The following ZSWIM5 variants were observed in gnomAD, a reference collection of about 807,000 sequenced individuals.
The protein encoded by ZSWIM5 is zinc finger SWIM-type containing 5, also known as zinc finger SWIM domain-containing protein 5.
ZSWIM5 carries 55 observed loss-of-function variants against 119.6 expected under a neutral mutation model. That is an observed-to-expected ratio of 0.46 (90% CI 0.37 to 0.58). The LOEUF (loss-of-function observed/expected upper bound fraction) is 0.58, where lower values mean the gene tolerates loss of function less well. Among genes scored for constraint, ZSWIM5 ranks in the 20% least tolerant of loss-of-function variants. The pLI, the probability that ZSWIM5 is intolerant of heterozygous loss-of-function variation, is 0.00. For synonymous variants in ZSWIM5, 537 were observed against 606.9 expected (o/e 0.88, Z 1.69); for missense variants, 1,193 against 1,512.8 (o/e 0.79, Z 3.51).
At position 45,192,006 on chromosome 1, in the gene ZSWIM5, T is replaced by C. The variant is rs954518403; in HGVS notation, c.595+13750A>G. ...CCCCAGAAGGAAATCCCATACCCAT[T>C]AGTAATCACTCCCCTTACTCACAGG... On this transcript the variant is annotated intron_variant, in intron 1 of 13. Coordinates refer to ENST00000359600, the MANE Select transcript of ZSWIM5 (RefSeq NM_020883.2). Among the ~76,000 whole-genome samples, 7 of 152,202 alleles carry C rather than the reference T, an allele frequency of 4.6e-5. No individual in the cohort carries two copies. The South Asian group carries it at 1.4e-3, about 31-fold the overall frequency.
chr1:45,186,292 C>A (rs898153521), intron 1 of ZSWIM5, among the ~76,000 whole-genome samples: 3 of 149,768 alleles, frequency 2.0e-5, no homozygotes, highest in African/African-American at 7.4e-5. Flanking sequence ...AGGAGATATA[C>A]CTAATGCTAA....
At chr1:45,185,217 A>T (rs1646049732) in intron 1 of ZSWIM5, among the ~76,000 whole-genome samples, 1 of 149,890 alleles carries the variant, frequency 6.7e-6, no homozygotes, top group East Asian at 2.0e-4. Flanking sequence ...CTGAAACTGG[A>T]TCCCTTCCTT....
chr1:45,148,526 T>C (rs1409135727), intron 1 of ZSWIM5, among the ~76,000 whole-genome samples: 1 of 151,984 alleles, frequency 6.6e-6, no homozygotes, highest in Non-Finnish European at 1.5e-5. Context: ...CAATTTAGGC[T>C]GAAATAATTG....
At chr1:45,115,249 C>T (rs1307233078) in intron 1 of ZSWIM5, among the ~76,000 whole-genome samples, 1 of 149,470 alleles carries the variant, frequency 6.7e-6, no homozygotes, top group Admixed American at 6.6e-5. Context: ...ACCTCCCGGG[C>T]GAGGTGGCTG....
chr1:45,204,231 A>G (rs562639347), intron 1 of ZSWIM5, among the ~76,000 whole-genome samples: 5 of 152,244 alleles, frequency 3.3e-5, no homozygotes, highest in Admixed American at 1.3e-4. Flanking sequence ...ATCCTTTTCC[A>G]TTTAAAATAT....
intron 1 of ZSWIM5, among the ~76,000 whole-genome samples, chr1:45,136,286 T>TTA (rs1260814523): frequency 1.3e-5 from 2 of 152,158 alleles, no homozygotes; most frequent in Non-Finnish European, 2.9e-5. Context: ...AATCCATAAT[T>TTA]TATTTCATAT....
intron 11 of ZSWIM5, among the ~76,000 whole-genome samples, chr1:45,033,072 C>T (rs1055005889): frequency 1.3e-5 from 2 of 152,096 alleles, no homozygotes; most frequent in African/African-American, 2.4e-5. Context: ...TCTGATACTC[C>T]ATGCAGGCTA....
chr1:45,182,415 C>A (rs545905087), intron 1 of ZSWIM5, among the ~76,000 whole-genome samples: 26,359 of 116,024 alleles, frequency 0.23, 4,771 homozygotes, highest in African/African-American at 0.44. Flanking sequence ...AAAAAACAAA[C>A]AAACAAACAA....
At chr1:45,023,854 TCCA>T (rs1376502946) in intron 11 of ZSWIM5, among the ~76,000 whole-genome samples, 1 of 152,228 alleles carries the variant, frequency 6.6e-6, no homozygotes, top group Non-Finnish European at 1.5e-5. Flanking sequence ...TTGCTGTTGC[TCCA>T]CATCCTTGTC....
chr1:45,148,218 C>T (rs1456542432), intron 1 of ZSWIM5, among the ~76,000 whole-genome samples: 1 of 152,010 alleles, frequency 6.6e-6, no homozygotes, highest in Non-Finnish European at 1.5e-5. Flanking sequence ...TACATATGCA[C>T]AAACCCATAA....
intron 1 of ZSWIM5, among the ~76,000 whole-genome samples, chr1:45,137,862 T>C (rs183265328): frequency 1.4e-4 from 21 of 152,292 alleles, no homozygotes; most frequent in Non-Finnish European, 2.8e-4. Context: ...CTAAGCAGAC[T>C]ACTATCATCC....
At position 45,019,827 on chromosome 1, in the gene ZSWIM5, T is replaced by A. The variant is rs1215092234; in HGVS notation, c.2695+239A>T. Reference sequence around the variant, plus strand: ...AAATTCATTCTCTTAGACATGTCTCTGTTGAGAGGATCAAGGGCTGCTGAC... The same window carrying A: ...AAATTCATTCTCTTAGACATGTCTCAGTTGAGAGGATCAAGGGCTGCTGAC... On this transcript the variant is annotated intron_variant, in intron 13 of 13. Transcript: ENST00000359600. The surrounding 1 kb of genome is among the most constrained non-coding windows in gnomAD (Gnocchi z 5.0). Among the ~76,000 whole-genome samples, 1 of 152,188 alleles carries A rather than the reference T, an allele frequency of 6.6e-6. No homozygotes were observed. The highest frequency in any genetic ancestry group is 2.1e-4 in the South Asian group (1 of 4,836).
At chr1:45,023,928 C>G (rs1422351196) in intron 11 of ZSWIM5, among the ~76,000 whole-genome samples, 3 of 152,202 alleles carry the variant, frequency 2.0e-5, no homozygotes, top group Non-Finnish European at 4.4e-5. Context: ...TGATATCTCA[C>G]TGTAGTTTTA....
At chr1:45,043,174 G>A in intron 6 of ZSWIM5, 45 bp downstream of exon 6, 1 of 1,595,036 alleles carries the variant, frequency 6.3e-7, no homozygotes, top group Non-Finnish European at 8.6e-7. Flanking sequence ...GGCCTGGCAT[G>A]AAGTGAGGGT....
At chr1:45,155,470 G>GGCCGGGCGCGGTGGCGGGCGCCTGT (rs1645821466) in intron 1 of ZSWIM5, among the ~76,000 whole-genome samples, 1 of 152,058 alleles carries the variant, frequency 6.6e-6, no homozygotes, top group African/African-American at 2.4e-5. Context: ...AAACAGTGTG[G>GGCCGGGCGCGGTGGCGGGCGCCTGT]AGACTCCTTA....
At chr1:45,165,537 T>G (rs1170665821) in intron 1 of ZSWIM5, among the ~76,000 whole-genome samples, 1 of 152,016 alleles carries the variant, frequency 6.6e-6, no homozygotes, top group East Asian at 1.9e-4. Context: ...AGCTGGTTTT[T>G]TGAAAAGATC....
intron 1 of ZSWIM5, among the ~76,000 whole-genome samples, chr1:45,105,544 C>T (rs1645467188): frequency 6.8e-6 from 1 of 146,716 alleles, no homozygotes; most frequent in African/African-American, 2.5e-5. Context: ...AAGTGAGGAG[C>T]GCCTCTGCCC....
chr1:45,122,833 C>A (rs185350347), intron 1 of ZSWIM5, among the ~76,000 whole-genome samples: 1 of 152,312 alleles, frequency 6.6e-6, no homozygotes, highest in South Asian at 2.1e-4. Context: ...ACCAAACCCC[C>A]ACCAAGGCTG....
chr1:45,054,032 C>G (rs1265005165), intron 4 of ZSWIM5, among the ~76,000 whole-genome samples: 1 of 151,964 alleles, frequency 6.6e-6, no homozygotes, highest in Non-Finnish European at 1.5e-5. Context: ...CTTGTAATAC[C>G]AGTGCTTGGG....
Sources: gnomAD v4.1 joint callset for allele counts (sites outside exome capture counted in the v4.1 genomes callset) on GRCh38, gnomAD v4.1.1 for gene constraint, Gnocchi (gnomAD v3.1) non-coding constraint, MANE v1.5 for transcripts, NCBI Gene and HGNC (gene_info 2026-07-23, HGNC 2026-07-21) for gene names.